Variants in MYT1L observed in about 807,000 individuals in gnomAD.
MYT1L encodes the protein myelin transcription factor 1 like, also known as myelin transcription factor 1-like protein.
A neutral mutation model predicts 126.7 loss-of-function variants in MYT1L; 12 were observed. That is an observed-to-expected ratio of 0.09 (90% CI 0.06 to 0.15). The LOEUF is 0.15. Among genes scored for constraint, MYT1L ranks in the 10% least tolerant of loss-of-function variants. The probability of loss-of-function intolerance (pLI) is 1.00; values close to 1 mark genes in which losing one functional copy is unlikely to be tolerated. For missense variants in MYT1L, 979 were observed against 1,585.2 expected (o/e 0.62, Z 6.49); for synonymous variants, 541 against 604.2 (o/e 0.90, Z 1.53).
At chr2:1,908,365 G>A (rs983375478) in intron 13 of MYT1L, among the ~76,000 whole-genome samples, 1 of 152,076 alleles carries the variant, frequency 6.6e-6, no homozygotes, top group Non-Finnish European at 1.5e-5. Flanking sequence ...GCCTGTAGGT[G>A]GGCAGTCGTA....
chr2:2,134,560 G>C (rs915410663), intron 3 of MYT1L, among the ~76,000 whole-genome samples: 1 of 152,122 alleles, frequency 6.6e-6, no homozygotes, highest in Non-Finnish European at 1.5e-5. Flanking sequence ...CATGAAGATG[G>C]AGCCTTTAGA....
intron 3 of MYT1L, among the ~76,000 whole-genome samples, chr2:2,150,964 ATG>A (rs998198663): frequency 3.3e-5 from 5 of 151,992 alleles, no homozygotes; most frequent in Non-Finnish European, 7.4e-5. Context: ...GAAAAAGACA[ATG>A]TGACAAATTT....
chr2:2,124,640 T>G (rs111528315), intron 3 of MYT1L, among the ~76,000 whole-genome samples: 2,303 of 152,344 alleles, frequency 0.015, 54 homozygotes, highest in African/African-American at 0.052. Context: ...TTAGTAGCTT[T>G]GATTATCTGC....
intron 21 of MYT1L, among the ~76,000 whole-genome samples, chr2:1,830,628 A>AC (rs933834652): frequency 4.6e-5 from 7 of 152,010 alleles, no homozygotes; most frequent in African/African-American, 1.7e-4. Flanking sequence ...TGCTCTTGGC[A>AC]CCCCAAAGGG....
chr2:1,797,019 C>G (rs1439036719), intron 23 of MYT1L, among the ~76,000 whole-genome samples: 1 of 152,192 alleles, frequency 6.6e-6, no homozygotes, highest in Non-Finnish European at 1.5e-5. Flanking sequence ...GCTCCGGGCT[C>G]TGGTGTGAAC....
chr2:1,811,054 C>A lies in MYT1L; in HGVS notation c.3081-1887G>T, dbSNP rs1318221050. On this transcript the variant is annotated intron_variant, in intron 21 of 24. Coordinates refer to ENST00000647738, the MANE Select transcript of MYT1L (RefSeq NM_001303052.2). This position sits in a 1 kb window ranked among gnomAD's most constrained non-coding sequence, Gnocchi z 4.4. ...AGGGACCCAGACAGCTCCTTAACCC[C>A]TTCTCCCATGTGAGGACAGAGTGAG... 1 of 152,144 alleles carries A rather than the reference C, an allele frequency of 6.6e-6. No individual in the cohort carries two copies. Among genetic ancestry groups the A allele is most frequent in the Non-Finnish European group, 1.5e-5 (1 of 68,038 alleles). The allele number at this position is 152,144 out of a possible 1,614,324, so 9.4% of individuals were successfully genotyped here. A position where few individuals can be genotyped will look rare whatever the true frequency, so the allele number is the denominator to read the frequency against.
chr2:1,808,319 G>T (rs560162711), intron 22 of MYT1L, among the ~76,000 whole-genome samples: 1 of 152,326 alleles, frequency 6.6e-6, no homozygotes, highest in South Asian at 2.1e-4. Flanking sequence ...TGGCTAGCGT[G>T]TGTTTTCTCT....
chr2:2,278,839 G>A (rs1221086498), intron 2 of MYT1L, among the ~76,000 whole-genome samples: 3 of 152,270 alleles, frequency 2.0e-5, no homozygotes, highest in African/African-American at 7.2e-5. Context: ...GGGATAAAGT[G>A]TCCCCTTGAG....
At chr2:1,921,143 T>C (rs1052473609) in intron 10 of MYT1L, among the ~76,000 whole-genome samples, 1 of 152,196 alleles carries the variant, frequency 6.6e-6, no homozygotes, top group Non-Finnish European at 1.5e-5. Flanking sequence ...TGAACCTCAC[T>C]ATTGGGTTCG....
intron 1 of MYT1L, among the ~76,000 whole-genome samples, chr2:2,328,743 C>T (rs2096267009): frequency 6.6e-6 from 1 of 152,112 alleles, no homozygotes; most frequent in Admixed American, 6.5e-5. Context: ...ATAATGTTTA[C>T]AATTTTCCAA....
At chr2:1,855,357 G>C (rs1228590161) in intron 18 of MYT1L, among the ~76,000 whole-genome samples, 1 of 152,214 alleles carries the variant, frequency 6.6e-6, no homozygotes, top group Non-Finnish European at 1.5e-5. Flanking sequence ...AGCCCAGGTG[G>C]GACAATCAGC....
chr2:2,076,485 C>T (rs1012949584), intron 3 of MYT1L, among the ~76,000 whole-genome samples: 2 of 152,176 alleles, frequency 1.3e-5, no homozygotes, highest in Admixed American at 6.5e-5. Context: ...ATAATACCTA[C>T]AAAGCCAGGC....
rs3214602 is a variant in MYT1L, at chr2:1,979,143, G to GA, written c.152+21dup. On this transcript the variant is annotated intron_variant, in intron 8 of 24. Coordinates refer to ENST00000647738, the MANE Select transcript of MYT1L (RefSeq NM_001303052.2). The surrounding 1 kb of genome is among the most constrained non-coding windows in gnomAD (Gnocchi z 4.0). ...AAGTCACTTTAGACAGCACATTGTG[G>GA]AAAAAAAAATGCAGGCATTACCTTC... The GA allele has an allele frequency of 2.5e-4, 395 of 1,578,538 alleles. No individual in the cohort carries two copies. The highest frequency in any genetic ancestry group is 3.0e-4 in the Non-Finnish European group (342 of 1,152,276).
intron 2 of MYT1L, among the ~76,000 whole-genome samples, chr2:2,216,720 T>A (rs955295373): frequency 6.6e-6 from 1 of 151,844 alleles, no homozygotes; most frequent in Non-Finnish European, 1.5e-5. Flanking sequence ...ATCAACAAAG[T>A]CATATGTTTG....
At chr2:2,318,097 T>C (rs1408783876) in intron 1 of MYT1L, among the ~76,000 whole-genome samples, 1 of 152,220 alleles carries the variant, frequency 6.6e-6, no homozygotes, top group Non-Finnish European at 1.5e-5. Context: ...CAGTTATGCC[T>C]TTGAGGCTAA....
chr2:2,066,666 G>A (rs1008857186), intron 3 of MYT1L, among the ~76,000 whole-genome samples: 3 of 152,164 alleles, frequency 2.0e-5, no homozygotes, highest in African/African-American at 7.2e-5. Flanking sequence ...CCTGGTCAGG[G>A]GCAGGTAGCT....
At chr2:2,189,882 G>A (rs1197778531) in intron 2 of MYT1L, among the ~76,000 whole-genome samples, 2 of 150,500 alleles carry the variant, frequency 1.3e-5, no homozygotes, top group Non-Finnish European at 3.0e-5. Flanking sequence ...GGAGAAGCTC[G>A]TTCTCAGGAC....
chr2:1,911,460 A>ATT (rs1461540876), intron 12 of MYT1L, among the ~76,000 whole-genome samples: 9 of 152,220 alleles, frequency 5.9e-5, no homozygotes, highest in Non-Finnish European at 1.3e-4. Context: ...GGACAGGAAA[A>ATT]GAGAACTCAG....
At chr2:2,060,845 CCT>C (rs1209482572) in intron 3 of MYT1L, among the ~76,000 whole-genome samples, 11 of 146,736 alleles carry the variant, frequency 7.5e-5, no homozygotes, top group Non-Finnish European at 1.5e-4. Context: ...TCTCTCTTTC[CCT>C]CTCTCTCTCT....
Sources: gnomAD v4.1 joint callset for allele counts (sites outside exome capture counted in the v4.1 genomes callset) on GRCh38, gnomAD v4.1.1 for gene constraint, Gnocchi (gnomAD v3.1) non-coding constraint, MANE v1.5 for transcripts, NCBI Gene and HGNC (gene_info 2026-07-23, HGNC 2026-07-21) for gene names.